Variants in THSD4 observed in about 807,000 individuals in gnomAD.
THSD4 encodes thrombospondin type 1 domain containing 4.
In THSD4, 69 loss-of-function variants were observed where a neutral mutation model predicts 119.0. The observed-to-expected ratio is 0.58, with a 90% CI of 0.48 to 0.71. The LOEUF is 0.71. THSD4 is among the 30% of genes least tolerant of loss of function. The pLI is 0.00. For missense variants in THSD4, 1,393 were observed against 1,391.1 expected (o/e 1.00, Z -0.02); for synonymous variants, 524 against 540.4 (o/e 0.97, Z 0.42).
At chr15:71,369,936 T>C (rs1317816252) in intron 6 of THSD4, among the ~76,000 whole-genome samples, 2 of 152,198 alleles carry the variant, frequency 1.3e-5, no homozygotes, top group African/African-American at 4.8e-5. Flanking sequence ...TAGTAGGCTA[T>C]TACTTAGTGC....
chr15:71,657,798 C>A (rs942508218), intron 7 of THSD4, among the ~76,000 whole-genome samples: 1 of 152,214 alleles, frequency 6.6e-6, no homozygotes, highest in Non-Finnish European at 1.5e-5. Context: ...TGATCCAGAG[C>A]AACCATGCTC....
chr15:71,284,246 G>GA (rs36052720), intron 6 of THSD4, among the ~76,000 whole-genome samples: 1 of 152,024 alleles, frequency 6.6e-6, no homozygotes, highest in African/African-American at 2.4e-5. Context: ...TGCTATTGAG[G>GA]AAAAAAGATA....
intron 6 of THSD4, among the ~76,000 whole-genome samples, chr15:71,303,922 T>C (rs997691433): frequency 6.6e-6 from 1 of 152,202 alleles, no homozygotes; most frequent in Non-Finnish European, 1.5e-5. Context: ...CCCCTTTGCC[T>C]AGCCCAAAGC....
At chr15:71,335,484 T>A (rs886675972) in intron 6 of THSD4, among the ~76,000 whole-genome samples, 2 of 152,212 alleles carry the variant, frequency 1.3e-5, no homozygotes, top group African/African-American at 4.8e-5. Flanking sequence ...TAATATGGTT[T>A]CACAGAGTTT....
At chr15:71,612,162 G>A (rs974548424) in intron 7 of THSD4, among the ~76,000 whole-genome samples, 6 of 152,206 alleles carry the variant, frequency 3.9e-5, no homozygotes, top group African/African-American at 1.4e-4. Context: ...GAGGGGCCAG[G>A]AGGCCTGGGA....
At chr15:71,542,910 T>G (rs987053445) in intron 7 of THSD4, among the ~76,000 whole-genome samples, 1 of 150,810 alleles carries the variant, frequency 6.6e-6, no homozygotes, top group East Asian at 2.0e-4. Context: ...AAAAACAAAT[T>G]GAAGGATAAT....
At position 71,747,641 on chromosome 15, in the gene THSD4, A is replaced by G. The variant is rs2053365490; in HGVS notation, c.2241+599A>G. 2.0e-5 allele frequency among the ~76,000 whole-genome samples: 3 copies of G among 152,202 alleles called. No homozygotes were observed. The South Asian group carries it at 6.2e-4, about 31-fold the overall frequency. On this transcript the variant is annotated intron_variant, in intron 13 of 17. Transcript: ENST00000261862. ...AGCACAGAGGTTGCAATCACTGGCT[A>G]CAGATGACGACATACAGGCTAAAAT...
chr15:71,391,663 G>A (rs954923341), intron 6 of THSD4, among the ~76,000 whole-genome samples: 4 of 152,174 alleles, frequency 2.6e-5, no homozygotes, highest in Non-Finnish European at 5.9e-5. Context: ...GTAGTCACAC[G>A]CTTTCCATTG....
At chr15:71,338,856 C>A (rs1461941134) in intron 6 of THSD4, among the ~76,000 whole-genome samples, 1 of 152,090 alleles carries the variant, frequency 6.6e-6, no homozygotes, top group Admixed American at 6.6e-5. Flanking sequence ...TTAATGTAGC[C>A]AGAACTGAGG....
rs533290432 is a variant in THSD4, at chr15:71,540,010, A to C, written c.1153-120520A>C. 2.0e-5 allele frequency among the ~76,000 whole-genome samples: 3 copies of C among 152,256 alleles called. No homozygotes were observed. In the South Asian group the frequency reaches 6.2e-4, roughly 32 times the overall value. On this transcript the variant is annotated intron_variant, in intron 7 of 17. Transcript: ENST00000261862. ...GGGCAGTGCCCTCAGCTTGACAGGG[A>C]GCCTGATGAGATATAACTCCTAGAA...
At chr15:71,285,849 G>C (rs1300235339) in intron 6 of THSD4, among the ~76,000 whole-genome samples, 1 of 60,280 alleles carries the variant, frequency 1.7e-5, no homozygotes. Flanking sequence ...GCGAGACTCC[G>C]TCTCAAAAAA....
At chr15:71,527,963 G>T (rs550024800) in intron 7 of THSD4, among the ~76,000 whole-genome samples, 14 of 152,098 alleles carry the variant, frequency 9.2e-5, no homozygotes, top group Non-Finnish European at 1.6e-4. Flanking sequence ...CAATCTTCCT[G>T]TCTCAGCCTT....
At chr15:71,588,222 C>T (rs1005341860) in intron 7 of THSD4, among the ~76,000 whole-genome samples, 2 of 149,364 alleles carry the variant, frequency 1.3e-5, no homozygotes, top group East Asian at 2.0e-4. Context: ...AGGAGAATGG[C>T]GTGAACCCGG....
chr15:71,215,193 C>A lies in THSD4; in HGVS notation c.258C>A (p.Arg86=). Residue 86 remains arginine (R), a synonymous_variant, in exon 4 of 18, where the codon CGC becomes CGA. Coordinates refer to ENST00000261862, the MANE Select transcript of THSD4 (RefSeq NM_024817.3). The stretch of plus-strand genomic sequence containing the variant: ...GGCCCTGCCTGCCCCGCTCCTACCG[C>A]CTGCGCGGCGGCCAGCGGCCTGGCG... ...QTRPCLPRSY[R]LRGGQRPGAP... is the part of the protein sequence containing the mutation. 7.3e-7 allele frequency: 1 copy of A among 1,360,578 alleles called. No homozygotes were observed. The highest frequency in any genetic ancestry group is 1.7e-5 in the South Asian group (1 of 58,844). 84.3% of individuals were successfully genotyped at this position (1,360,578 alleles called of 1,614,324 possible).
intron 5 of THSD4, among the ~76,000 whole-genome samples, chr15:71,253,393 C>A (rs972870060): frequency 6.6e-6 from 1 of 151,722 alleles, no homozygotes; most frequent in Non-Finnish European, 1.5e-5. Flanking sequence ...TGGCAGGGCT[C>A]TATACTTATA....
chr15:71,522,386 C>A (rs2048455054), intron 7 of THSD4, among the ~76,000 whole-genome samples: 1 of 152,110 alleles, frequency 6.6e-6, no homozygotes, highest in South Asian at 2.1e-4. Context: ...TTTGGGCTGC[C>A]TCCCCAGTCC....
intron 7 of THSD4, among the ~76,000 whole-genome samples, chr15:71,655,533 C>T (rs987433790): frequency 5.3e-5 from 8 of 152,082 alleles, no homozygotes; most frequent in African/African-American, 1.9e-4. Flanking sequence ...TGACAAAACC[C>T]AGCATTTTCT....
At chr15:71,699,145 G>A (rs890315954) in intron 8 of THSD4, among the ~76,000 whole-genome samples, 1 of 151,816 alleles carries the variant, frequency 6.6e-6, no homozygotes, top group Non-Finnish European at 1.5e-5. Flanking sequence ...TGTGTTTATG[G>A]CATAGATTGT....
intron 1 of THSD4, among the ~76,000 whole-genome samples, chr15:71,103,584 G>A (rs1321622542): frequency 6.6e-6 from 1 of 151,882 alleles, no homozygotes. Flanking sequence ...CAAGTGGCAG[G>A]AGGAGAAAGG....
Sources: allele counts gnomAD v4.1 joint callset (sites outside exome capture counted in the v4.1 genomes callset), GRCh38; gene constraint gnomAD v4.1.1; transcripts MANE v1.5; gene names NCBI Gene and HGNC (gene_info 2026-07-23, HGNC 2026-07-21).